The following CADM2 variants were observed in gnomAD, a reference collection of about 807,000 sequenced individuals.
The protein encoded by CADM2 is cell adhesion molecule 2, also known as immunoglobulin superfamily member 4D.
Under a neutral mutation model 49.8 loss-of-function variants are expected in CADM2, and 12 were observed. That is an observed-to-expected ratio of 0.24 (90% CI 0.15 to 0.39). The LOEUF (loss-of-function observed/expected upper bound fraction) is 0.39, where lower values mean the gene tolerates loss of function less well. Ranked by LOEUF, CADM2 falls within the 10% of genes least tolerant of loss-of-function variation. The pLI is 1.00. For synonymous variants in CADM2, 214 were observed against 175.4 expected, an observed-to-expected ratio of 1.22 and a Z score of -1.74; for missense variants, 378 against 492.3, an observed-to-expected ratio of 0.77 and a Z score of 2.20.
At chr3:84,964,630 C>G (rs182030447) in intron 1 of CADM2, among the ~76,000 whole-genome samples, 1 of 152,244 alleles carries the variant, frequency 6.6e-6, no homozygotes, top group East Asian at 1.9e-4. Flanking sequence ...AAACTGAAGT[C>G]AAAAGCCCTT....
intron 1 of CADM2, among the ~76,000 whole-genome samples, chr3:84,969,207 T>G (rs1357027731): frequency 6.6e-6 from 1 of 152,034 alleles, no homozygotes; most frequent in Non-Finnish European, 1.5e-5. Context: ...TAACTGCAAC[T>G]TGTGTCTTTT....
intron 1 of CADM2, among the ~76,000 whole-genome samples, chr3:85,217,553 T>TA (rs1411359513): frequency 6.6e-6 from 1 of 152,078 alleles, no homozygotes; most frequent in East Asian, 1.9e-4. Context: ...GTATTAAATC[T>TA]GTGATAATTT....
chr3:85,741,168 C>G (rs1267839503), intron 2 of CADM2, among the ~76,000 whole-genome samples: 3 of 152,122 alleles, frequency 2.0e-5, no homozygotes, highest in Non-Finnish European at 4.4e-5. Flanking sequence ...ACCATTTTAG[C>G]TAAGCATCTG....
At chr3:85,897,158 G>C (rs1715323653) in intron 5 of CADM2, among the ~76,000 whole-genome samples, 1 of 148,394 alleles carries the variant, frequency 6.7e-6, no homozygotes, top group South Asian at 2.1e-4. Flanking sequence ...TCTTAGAGGA[G>C]GATTCTGTAA....
chr3:85,339,263 C>T (rs1475690541), intron 1 of CADM2, among the ~76,000 whole-genome samples: 1 of 151,372 alleles, frequency 6.6e-6, no homozygotes, highest in African/African-American at 2.4e-5. Context: ...GGTAAATTAT[C>T]TCAGTGTGTT....
At chr3:85,628,839 A>AT (rs1170645677) in intron 1 of CADM2, among the ~76,000 whole-genome samples, 1 of 150,976 alleles carries the variant, frequency 6.6e-6, no homozygotes, top group East Asian at 1.9e-4. Context: ...TATATCTCCA[A>AT]TTTTTTTGTT....
At chr3:84,970,067 T>C (rs934222208) in intron 1 of CADM2, among the ~76,000 whole-genome samples, 1 of 145,810 alleles carries the variant, frequency 6.9e-6, no homozygotes, top group Non-Finnish European at 1.5e-5. Flanking sequence ...TTTTTTTTTT[T>C]ACTGCCAAGC....
Position 84,959,156 on chromosome 3 carries a change from G to A in CADM2, c.-452G>A. The A allele has an allele frequency of 5.2e-6, 1 of 191,402 alleles. No individual in the cohort carries two copies. The highest frequency in any genetic ancestry group is 8.1e-5 in the South Asian group (1 of 12,418). 11.9% of individuals were successfully genotyped at this position (191,402 alleles called of 1,614,324 possible). ...CCCCGAGACACCCCGGGCGCGAGCG[G>A]CAGTGCTGCTTGCTTGCTCCTCCTC... On this transcript the variant is annotated 5_prime_UTR_variant, in exon 1 of 10. Transcript: ENST00000383699.
At chr3:85,885,459 T>C (rs1291884339) in intron 4 of CADM2, among the ~76,000 whole-genome samples, 1 of 151,160 alleles carries the variant, frequency 6.6e-6, no homozygotes, top group African/African-American at 2.4e-5. Context: ...GATCACGAGG[T>C]CAGGAGTTCG....
intron 1 of CADM2, among the ~76,000 whole-genome samples, chr3:85,383,175 T>C (rs1220125978): frequency 3.3e-5 from 5 of 152,096 alleles, no homozygotes; most frequent in Non-Finnish European, 5.9e-5. Context: ...GTATGTCACT[T>C]TCCTTTTGTT....
At chr3:85,624,660 T>A (rs901754115) in intron 1 of CADM2, among the ~76,000 whole-genome samples, 6 of 152,098 alleles carry the variant, frequency 3.9e-5, no homozygotes, top group African/African-American at 1.2e-4. Flanking sequence ...CGAAAATAGA[T>A]CATACAAGCT....
chr3:85,305,847 A>AT (rs1313798204), intron 1 of CADM2, among the ~76,000 whole-genome samples: 2 of 151,704 alleles, frequency 1.3e-5, no homozygotes, highest in Non-Finnish European at 3.0e-5. Context: ...ACAGATCTAA[A>AT]ACACATAAAT....
chr3:85,598,585 G>A (rs1467281719), intron 1 of CADM2, among the ~76,000 whole-genome samples: 2 of 151,694 alleles, frequency 1.3e-5, no homozygotes, highest in African/African-American at 4.8e-5. Flanking sequence ...AAACACCACT[G>A]CTCTGGTAAT....
chr3:85,083,233 T>C (rs1415708448), intron 1 of CADM2, among the ~76,000 whole-genome samples: 1 of 152,168 alleles, frequency 6.6e-6, no homozygotes, highest in African/African-American at 2.4e-5. Context: ...CAACTCTTAA[T>C]CTTGATAAGG....
intron 1 of CADM2, among the ~76,000 whole-genome samples, chr3:85,430,527 T>C (rs1027904955): frequency 1.4e-5 from 2 of 143,510 alleles, no homozygotes; most frequent in Non-Finnish European, 1.5e-5. Context: ...CAAAAAATAA[T>C]AATAATATTG....
chr3:85,959,621 A>G (rs894092582), intron 7 of CADM2, among the ~76,000 whole-genome samples: 5 of 151,864 alleles, frequency 3.3e-5, no homozygotes, highest in Non-Finnish European at 5.9e-5. Flanking sequence ...TGCACCATAT[A>G]ACAACACTTT....
At chr3:85,060,207 T>G (rs537994442) in intron 1 of CADM2, among the ~76,000 whole-genome samples, 2 of 152,296 alleles carry the variant, frequency 1.3e-5, no homozygotes, top group African/African-American at 2.4e-5. Context: ...TTTGGCTCAC[T>G]GCAACCTCTG....
At chr3:86,019,775 T>G (rs1577971084) in intron 8 of CADM2, among the ~76,000 whole-genome samples, 1 of 152,236 alleles carries the variant, frequency 6.6e-6, no homozygotes, top group South Asian at 2.1e-4. Flanking sequence ...AAGGAGATTT[T>G]GGGCTGAGAC....
At chr3:85,980,708 A>C (rs912139602) in intron 8 of CADM2, among the ~76,000 whole-genome samples, 7 of 151,620 alleles carry the variant, frequency 4.6e-5, no homozygotes, top group Non-Finnish European at 8.9e-5. Context: ...ACTTTGCTTT[A>C]ATTTGTGATG....
Sources: allele counts gnomAD v4.1 joint callset (sites outside exome capture counted in the v4.1 genomes callset), GRCh38; gene constraint gnomAD v4.1.1; transcripts MANE v1.5; gene names NCBI Gene and HGNC (gene_info 2026-07-23, HGNC 2026-07-21).